The following NEDD4L variants were observed in gnomAD, a reference collection of about 807,000 sequenced individuals.
NEDD4L encodes the protein E3 ubiquitin-protein ligase NEDD4-like.
In NEDD4L, 54 loss-of-function variants were observed where a neutral mutation model predicts 148.9. The ratio of observed to expected loss-of-function variants is 0.36; its 90% CI spans 0.29 to 0.45. The LOEUF is 0.45. Ranked by LOEUF, NEDD4L falls within the 20% of genes least tolerant of loss-of-function variation. The probability of loss-of-function intolerance (pLI) is 1.00; values close to 1 mark genes in which losing one functional copy is unlikely to be tolerated. For missense variants in NEDD4L, 856 were observed against 1,233.8 expected (o/e 0.69, Z 4.59); for synonymous variants, 433 against 440.7 (o/e 0.98, Z 0.22).
intron 2 of NEDD4L, among the ~76,000 whole-genome samples, chr18:58,184,520 G>A (rs988508508): frequency 1.3e-5 from 2 of 152,114 alleles, no homozygotes; most frequent in African/African-American, 4.8e-5. Context: ...CCCTGGAGTG[G>A]TGGCTTGGAG....
chr18:58,387,340 A>G (rs1602000184), intron 26 of NEDD4L, 99 bp from the exon 27 acceptor site: 1 of 1,317,612 alleles, frequency 7.6e-7, no homozygotes, highest in Non-Finnish European at 1.0e-6. Context: ...AGGAGAGATT[A>G]TATTTTTTTC....
intron 1 of NEDD4L, among the ~76,000 whole-genome samples, chr18:58,142,270 G>A (rs182152976): frequency 1.3e-4 from 19 of 151,492 alleles, no homozygotes; most frequent in African/African-American, 3.4e-4. Context: ...GTACGGTCTC[G>A]ATCTTTTGAC....
intron 5 of NEDD4L, among the ~76,000 whole-genome samples, chr18:58,280,466 GGAGCAGACCGGGC>G (rs1425348130): frequency 6.6e-6 from 1 of 152,204 alleles, no homozygotes; most frequent in Non-Finnish European, 1.5e-5. Context: ...GGAAAGCCAA[GGAGCAGACCGGGC>G]GAGGCTGGGT....
chr18:58,136,596 T>A (rs1030965193), intron 1 of NEDD4L, among the ~76,000 whole-genome samples: 2 of 152,178 alleles, frequency 1.3e-5, no homozygotes, highest in East Asian at 1.9e-4. Context: ...CAGTTCCAAG[T>A]AGTGAGAGGT....
At chr18:58,165,923 T>G in intron 2 of NEDD4L, 62 bp downstream of exon 2, 1 of 1,347,712 alleles carries the variant, frequency 7.4e-7, no homozygotes, top group Non-Finnish European at 1.0e-6. Context: ...GTTTTCAAAT[T>G]CAGGCACGCA....
rs566370221 is a variant in NEDD4L, at chr18:58,332,713, G to T, written c.991-1105G>T. Among the ~76,000 whole-genome samples, 12 of 152,268 alleles carry T rather than the reference G, an allele frequency of 7.9e-5. No homozygotes were observed. The South Asian group carries it at 2.5e-3, about 32-fold the overall frequency. ...AATTGTCCCCCATCCCTACCACAGA[G>T]TCTTCTTGTACCATTTACTTATCAC... On this transcript the variant is annotated intron_variant, in intron 11 of 30. Transcript: ENST00000400345.
intron 5 of NEDD4L, among the ~76,000 whole-genome samples, chr18:58,313,847 A>G (rs1410011769): frequency 6.6e-6 from 1 of 152,224 alleles, no homozygotes; most frequent in Non-Finnish European, 1.5e-5. Flanking sequence ...ACGGGCATAT[A>G]GATATTTTGT....
chr18:58,377,960 G>T (rs557697905), intron 24 of NEDD4L, among the ~76,000 whole-genome samples: 13 of 152,214 alleles, frequency 8.5e-5, no homozygotes, highest in African/African-American at 2.9e-4. Context: ...GCCCAGGCTG[G>T]TCTCGAACTC....
At chr18:58,165,911 C>T in intron 2 of NEDD4L, 50 bp downstream of exon 2, 2 of 1,469,830 alleles carry the variant, frequency 1.4e-6, no homozygotes, top group Middle Eastern at 1.7e-4. Context: ...AATTGACAAG[C>T]AGTTTTCAAA....
At position 58,335,542 on chromosome 18, in the gene NEDD4L, T is replaced by TA. The variant is rs754564388; in HGVS notation, c.1125+5_1125+6insA. 10 of 1,610,474 alleles carry TA rather than the reference T, an allele frequency of 6.2e-6. No individual in the cohort carries two copies. Among genetic ancestry groups the TA allele is most frequent in the Non-Finnish European group, 7.6e-6 (9 of 1,176,850 alleles). On this transcript the variant is annotated splice_donor_region_variant and intron_variant, in intron 13 of 30. Coordinates refer to ENST00000400345, the MANE Select transcript of NEDD4L (RefSeq NM_001144967.3). ...ACGGGTGGTGAGGAACCAACGGTAA[T>TA]GATCCACTTTATCAGACATCAATAG... is the stretch of plus-strand genomic sequence containing the variant.
At chr18:58,195,069 A>G (rs184259493) in intron 2 of NEDD4L, among the ~76,000 whole-genome samples, 8 of 152,362 alleles carry the variant, frequency 5.3e-5, no homozygotes, top group Non-Finnish European at 1.0e-4. Context: ...AGTAATTTAA[A>G]CAGAAGTATC....
At chr18:58,353,004 A>G (rs2044114202) in intron 18 of NEDD4L, among the ~76,000 whole-genome samples, 1 of 152,242 alleles carries the variant, frequency 6.6e-6, no homozygotes, top group Non-Finnish European at 1.5e-5. Flanking sequence ...GATACATAGC[A>G]GATGCTTGAT....
At chr18:58,301,974 TGCCCC>T (rs2056526648) in intron 5 of NEDD4L, among the ~76,000 whole-genome samples, 1 of 152,166 alleles carries the variant, frequency 6.6e-6, no homozygotes, top group Non-Finnish European at 1.5e-5. Context: ...TTGTTGCCCC[TGCCCC>T]GGTGATAGGG....
At chr18:58,261,442 A>T (rs1209991649) in intron 5 of NEDD4L, among the ~76,000 whole-genome samples, 1 of 152,248 alleles carries the variant, frequency 6.6e-6, no homozygotes, top group African/African-American at 2.4e-5. Context: ...TATGACTTTA[A>T]AATGAGGGAG....
chr18:58,154,759 G>C (rs1256881013), intron 1 of NEDD4L, among the ~76,000 whole-genome samples: 1 of 152,230 alleles, frequency 6.6e-6, no homozygotes, highest in Non-Finnish European at 1.5e-5. Context: ...TTGCACTCCA[G>C]CCTGAGTGAC....
chr18:58,077,763 T>C (rs1240239145), intron 1 of NEDD4L, among the ~76,000 whole-genome samples: 2 of 152,220 alleles, frequency 1.3e-5, no homozygotes, highest in African/African-American at 4.8e-5. Flanking sequence ...CAGTTATCTT[T>C]AACCTGACCA....
At chr18:58,113,129 C>T (rs1383053333) in intron 1 of NEDD4L, among the ~76,000 whole-genome samples, 1 of 152,222 alleles carries the variant, frequency 6.6e-6, no homozygotes, top group Non-Finnish European at 1.5e-5. Context: ...TTATAAACCA[C>T]GCAGTCTGTG....
chr18:58,077,063 C>T lies in NEDD4L; in HGVS notation c.48+32355C>T, dbSNP rs1194106703. 2.0e-5 allele frequency among the ~76,000 whole-genome samples: 3 copies of T among 149,052 alleles called. No individual in the cohort carries two copies. In the Admixed American group the frequency reaches 2.0e-4, roughly 10 times the overall value. On this transcript the variant is annotated intron_variant, in intron 1 of 30. Coordinates refer to ENST00000400345, the MANE Select transcript of NEDD4L (RefSeq NM_001144967.3). The stretch of plus-strand genomic sequence containing the variant: ...GATGGGGTTTTGCTAACAGGCCAGT[C>T]TGGTCTTGAACTCCTGACCTCAGGT...
chr18:58,340,908 T>A (rs1229106758), intron 13 of NEDD4L, 130 bp from the exon 14 acceptor site: 9 of 894,952 alleles, frequency 1.0e-5, no homozygotes, highest in Non-Finnish European at 1.3e-5. Context: ...CACTTGTAAG[T>A]GTTTTCTATA....
Sources: allele counts gnomAD v4.1 joint callset (sites outside exome capture counted in the v4.1 genomes callset), GRCh38; gene constraint gnomAD v4.1.1; transcripts MANE v1.5; gene names NCBI Gene and HGNC (gene_info 2026-07-23, HGNC 2026-07-21).